Variants in CEP85L observed in about 807,000 individuals in gnomAD.
The protein encoded by CEP85L is centrosomal protein 85L.
CEP85L carries 60 observed loss-of-function variants against 100.3 expected under a neutral mutation model. The ratio of observed to expected loss-of-function variants is 0.60; its 90% CI spans 0.49 to 0.74. CEP85L has a LOEUF of 0.74. CEP85L is among the 30% of genes least tolerant of loss of function. CEP85L has a pLI of 0.00. For missense variants in CEP85L, 973 were observed against 936.2 expected (o/e 1.04, Z -0.51); for synonymous variants, 319 against 322.7 (o/e 0.99, Z 0.12).
intron 6 of CEP85L, among the ~76,000 whole-genome samples, chr6:118,486,952 A>G (rs1352440190): frequency 1.3e-5 from 2 of 152,120 alleles, no homozygotes; most frequent in Non-Finnish European, 2.9e-5. Context: ...GGCACCATGA[A>G]TGGTGCTACA....
intron 6 of CEP85L, among the ~76,000 whole-genome samples, chr6:118,491,194 TATACACACACACACACACACAC>T (rs375795893): frequency 0.026 from 2,101 of 81,286 alleles, 74 homozygotes; most frequent in African/African-American, 0.075. Flanking sequence ...TACCAACATC[TATACACACACACACACACACAC>T]ACACACACAC....
chr6:118,517,175 G>A (rs959796711), intron 4 of CEP85L, among the ~76,000 whole-genome samples: 38 of 152,170 alleles, frequency 2.5e-4, no homozygotes, highest in Admixed American at 1.0e-3. Context: ...GTCAAGTAGC[G>A]TGATGCCTCC....
Position 118,470,596 on chromosome 6 carries a change from T to C in CEP85L, c.1963A>G (p.Met655Val), listed in dbSNP as rs199588688. The C allele has an allele frequency of 1.2e-6, 2 of 1,608,268 alleles. No homozygotes were observed. Among genetic ancestry groups the C allele is most frequent in the Non-Finnish European group, 1.7e-6 (2 of 1,177,248 alleles). ...SKEKLTTQKMMEELEKKERNV... is the reference protein window; with the variant it reads ...SKEKLTTQKMVEELEKKERNV... ...CTTTCTTTCTTTTCCAGCTCTTCCA[T>C]CATCTTTTGAGTGGTCAGTTTCTCT... Residue 655 changes from methionine to valine, a missense_variant, in exon 11 of 13, where the codon ATG becomes GTG. By Grantham distance (21) the Met-to-Val change is conservative. Around this residue, in one of 3 missense-constraint regions of CEP85L, gnomAD observed 890 missense variants for 844.5 expected, o/e 1.05. Coordinates refer to ENST00000368491, the MANE Select transcript of CEP85L (RefSeq NM_001042475.3).
In CEP85L at chr6:118,674,322, G is replaced by A. The variant is rs553304526; in HGVS notation, c.-27-21514C>T. On this transcript the variant is annotated intron_variant, in intron 1 of 13. Coordinates refer to the CEP85L transcript ENST00000368488. The stretch of plus-strand genomic sequence containing the variant: ...GGGTGGATCACAAGATCAGGAGTTC[G>A]AGACCAGCCTGGCCAACATGGTGAA... Among the ~76,000 whole-genome samples, 4 of 152,184 alleles carry A rather than the reference G, an allele frequency of 2.6e-5. No homozygotes were observed. In the South Asian group the frequency reaches 8.3e-4, roughly 32 times the overall value.
chr6:118,550,223 A>G (rs983636265), intron 3 of CEP85L, among the ~76,000 whole-genome samples: 1 of 151,950 alleles, frequency 6.6e-6, no homozygotes, highest in African/African-American at 2.4e-5. Flanking sequence ...TAGTAGGCAT[A>G]AAGGAAAATG....
chr6:118,502,380 A>G, intron 5 of CEP85L: 1 of 524,116 alleles, frequency 1.9e-6, no homozygotes, highest in Non-Finnish European at 3.6e-6. Context: ...TAAGACAGAT[A>G]GTTTGCTGGA....
At position 118,482,140 on chromosome 6, in the gene CEP85L, G is replaced by A. The variant is rs537577321; in HGVS notation, c.1591-207C>T. ...TAGAAGAACAGAATTACAAGGAAGA[G>A]AATGGGGTTAGAAATTTGTAGAAGA... On this transcript the variant is annotated intron_variant, in intron 7 of 12. Transcript: ENST00000368491. 1.1e-4 allele frequency among the ~76,000 whole-genome samples: 16 copies of A among 151,936 alleles called. No homozygotes were observed. In the South Asian group the frequency reaches 2.7e-3, roughly 26 times the overall value.
chr6:118,569,116 G>A (rs146822998), intron 2 of CEP85L, among the ~76,000 whole-genome samples: 89 of 151,792 alleles, frequency 5.9e-4, no homozygotes, highest in African/African-American at 1.9e-3. Context: ...CAAGGCAGGC[G>A]GATTACTTGA....
intron 1 of CEP85L, among the ~76,000 whole-genome samples, chr6:118,677,205 A>G (rs1469685155): frequency 1.3e-5 from 2 of 152,338 alleles, no homozygotes; most frequent in East Asian, 3.9e-4. Flanking sequence ...AGCTTGAACT[A>G]GATGACTTTA....
At chr6:118,518,903 T>C (rs1368298702) in intron 4 of CEP85L, among the ~76,000 whole-genome samples, 2 of 152,226 alleles carry the variant, frequency 1.3e-5, no homozygotes, top group Non-Finnish European at 2.9e-5. Context: ...CTGCTTTAAA[T>C]GTGTCTCAGA....
intron 1 of CEP85L, among the ~76,000 whole-genome samples, chr6:118,666,959 A>T (rs1410496865): frequency 6.6e-6 from 1 of 152,200 alleles, no homozygotes; most frequent in Non-Finnish European, 1.5e-5. Flanking sequence ...GCTGCTTTCA[A>T]AACCAATCAG....
At chr6:118,644,716 TA>T (rs1775073452) in intron 1 of CEP85L, among the ~76,000 whole-genome samples, 1 of 152,192 alleles carries the variant, frequency 6.6e-6, no homozygotes, top group African/African-American at 2.4e-5. Flanking sequence ...AAACCATCAG[TA>T]AATCCTTAAG....
chr6:118,589,263 C>T, intron 2 of CEP85L: 1 of 227,244 alleles, frequency 4.4e-6, no homozygotes. Context: ...GGTCTCTAGG[C>T]CACCCTCCCA....
chr6:118,537,287 G>T (rs1777650054), intron 3 of CEP85L, among the ~76,000 whole-genome samples: 1 of 152,062 alleles, frequency 6.6e-6, no homozygotes, highest in Non-Finnish European at 1.5e-5. Flanking sequence ...TTAATTTGAA[G>T]AAACAAAGTA....
Position 118,661,045 on chromosome 6 carries a change from C to T in CEP85L, c.-27-8237G>A, listed in dbSNP as rs113877298. ...GGATTACAGGCACCCGCCACCACGCCCAGGTAATTTTTTGTATTTTTAGTA... is the reference window on the plus strand; with the variant it reads ...GGATTACAGGCACCCGCCACCACGCTCAGGTAATTTTTTGTATTTTTAGTA... On this transcript the variant is annotated intron_variant, in intron 1 of 13. Coordinates refer to the CEP85L transcript ENST00000368488. Among the ~76,000 whole-genome samples, 502 of 152,166 alleles carry T rather than the reference C, an allele frequency of 3.3e-3. 1 individual carries two copies. Among genetic ancestry groups the T allele is most frequent in the African/African-American group, 0.012 (483 of 41,516 alleles).
At chr6:118,664,993 C>T (rs1776088456) in intron 1 of CEP85L, among the ~76,000 whole-genome samples, 2 of 152,190 alleles carry the variant, frequency 1.3e-5, no homozygotes, top group Admixed American at 1.3e-4. Flanking sequence ...AAATCCTTTA[C>T]CATCACACAT....
chr6:118,579,594 A>G (rs1780448703), intron 2 of CEP85L, among the ~76,000 whole-genome samples: 2 of 152,360 alleles, frequency 1.3e-5, no homozygotes, highest in South Asian at 2.1e-4. Flanking sequence ...AGTTTTGAAA[A>G]CACAAAGTTT....
At chr6:118,576,335 T>C (rs969877858) in intron 2 of CEP85L, among the ~76,000 whole-genome samples, 3 of 152,180 alleles carry the variant, frequency 2.0e-5, no homozygotes, top group African/African-American at 7.2e-5. Context: ...GGACCTTACC[T>C]GGTACTCCTA....
At chr6:118,532,057 A>G (rs1777324555) in intron 3 of CEP85L, among the ~76,000 whole-genome samples, 1 of 152,210 alleles carries the variant, frequency 6.6e-6, no homozygotes, top group African/African-American at 2.4e-5. Flanking sequence ...CAACATGTTC[A>G]TCGCAGCACT....
Sources: allele counts gnomAD v4.1 joint callset (sites outside exome capture counted in the v4.1 genomes callset), GRCh38; gene constraint gnomAD v4.1.1; regional missense constraint gnomAD v4.1.1; transcripts MANE v1.5; gene names NCBI Gene and HGNC (gene_info 2026-07-23, HGNC 2026-07-21).